The following SLC35F1 variants were observed in gnomAD, a reference collection of about 807,000 sequenced individuals.
SLC35F1 encodes chromosome 6 open reading frame 169.
In SLC35F1, 14 loss-of-function variants were observed where a neutral mutation model predicts 48.7. The observed-to-expected ratio is 0.29, with a 90% CI of 0.19 to 0.45. SLC35F1 has a LOEUF of 0.45. SLC35F1 is among the 20% of genes least tolerant of loss of function. SLC35F1 has a pLI of 1.00. For missense variants in SLC35F1, 404 were observed against 500.0 expected (o/e 0.81, Z 1.83); for synonymous variants, 190 against 202.2 (o/e 0.94, Z 0.51).
At chr6:117,929,930 A>C (rs1776078571) in intron 1 of SLC35F1, among the ~76,000 whole-genome samples, 1 of 152,196 alleles carries the variant, frequency 6.6e-6, no homozygotes, top group Non-Finnish European at 1.5e-5. Flanking sequence ...TGTATCAGCC[A>C]CTTTGCTAAG....
chr6:118,182,678 G>A (rs1208764460), intron 2 of SLC35F1, among the ~76,000 whole-genome samples: 1 of 151,916 alleles, frequency 6.6e-6, no homozygotes, highest in Non-Finnish European at 1.5e-5. Flanking sequence ...AGACCAGCCT[G>A]GCCAACATGA....
chr6:118,127,639 C>T (rs533771373), intron 1 of SLC35F1, among the ~76,000 whole-genome samples: 114 of 151,974 alleles, frequency 7.5e-4, no homozygotes, highest in African/African-American at 2.6e-3. Context: ...CCCTTCCTTA[C>T]ACCTTATACA....
At position 118,043,787 on chromosome 6, in the gene SLC35F1, G is replaced by T. The variant is rs570472064; in HGVS notation, c.174-110658G>T. Among the ~76,000 whole-genome samples, 15 of 152,272 alleles carry T rather than the reference G, an allele frequency of 9.9e-5. No homozygotes were observed. The South Asian group carries it at 2.3e-3, about 23-fold the overall frequency. On this transcript the variant is annotated intron_variant, in intron 1 of 7. Coordinates refer to ENST00000360388, the MANE Select transcript of SLC35F1 (RefSeq NM_001029858.4). ...TACCTTTTTGACCTTTGTCAATTTT[G>T]CCAGACAGGCAGTGTGAAGAAATGT...
At chr6:118,146,916 G>T (rs915157280) in intron 1 of SLC35F1, among the ~76,000 whole-genome samples, 2 of 152,166 alleles carry the variant, frequency 1.3e-5, no homozygotes, top group Non-Finnish European at 2.9e-5. Context: ...GAGTTGATGT[G>T]CACAGATCAG....
At chr6:117,921,746 C>T (rs551569023) in intron 1 of SLC35F1, among the ~76,000 whole-genome samples, 1 of 152,290 alleles carries the variant, frequency 6.6e-6, no homozygotes, top group South Asian at 2.1e-4. Context: ...CTTCCCTGGC[C>T]CCAAAGTTAA....
At chr6:118,099,558 G>C (rs1024286573) in intron 1 of SLC35F1, among the ~76,000 whole-genome samples, 6 of 150,142 alleles carry the variant, frequency 4.0e-5, no homozygotes, top group African/African-American at 1.5e-4. Context: ...TATACTCAGT[G>C]GTTACCACTG....
At chr6:118,052,408 G>A (rs1363551772) in intron 1 of SLC35F1, among the ~76,000 whole-genome samples, 2 of 152,156 alleles carry the variant, frequency 1.3e-5, no homozygotes, top group South Asian at 2.1e-4. Context: ...CTCATTTTCT[G>A]ATGTATAAAT....
chr6:118,116,547 A>C (rs1379754842), intron 1 of SLC35F1, among the ~76,000 whole-genome samples: 2 of 152,178 alleles, frequency 1.3e-5, no homozygotes, highest in East Asian at 3.9e-4. Context: ...CCTACACAAT[A>C]TCCTCTCGTT....
intron 1 of SLC35F1, among the ~76,000 whole-genome samples, chr6:117,969,726 AT>A (rs1429115973): frequency 6.7e-6 from 1 of 148,288 alleles, no homozygotes; most frequent in African/African-American, 2.5e-5. Flanking sequence ...TAAAAAAAAA[AT>A]CATCTGCAAT....
chr6:118,141,219 A>G (rs1289232432), intron 1 of SLC35F1, among the ~76,000 whole-genome samples: 1 of 152,118 alleles, frequency 6.6e-6, no homozygotes, highest in Non-Finnish European at 1.5e-5. Flanking sequence ...TGTTTTTTAT[A>G]CCATATTTTC....
At chr6:118,204,545 C>T (rs1220566591) in intron 2 of SLC35F1, among the ~76,000 whole-genome samples, 6 of 152,274 alleles carry the variant, frequency 3.9e-5, no homozygotes, top group African/African-American at 1.4e-4. Flanking sequence ...ACGTACAGCT[C>T]TCAGGCTATT....
chr6:117,917,769 TG>T (rs1288990990), intron 1 of SLC35F1, among the ~76,000 whole-genome samples: 12 of 151,978 alleles, frequency 7.9e-5, no homozygotes, highest in African/African-American at 2.9e-4. Context: ...TGTGGAATTC[TG>T]GGGAGAAGTC....
At chr6:118,119,492 G>GCCCC (rs564384163) in intron 1 of SLC35F1, among the ~76,000 whole-genome samples, 5 of 20,666 alleles carry the variant, frequency 2.4e-4, no homozygotes, top group Non-Finnish European at 7.6e-4. Flanking sequence ...GTAATAACCG[G>GCCCC]CGCCCCCCCT....
chr6:118,164,442 G>A (rs1394770427), intron 2 of SLC35F1, among the ~76,000 whole-genome samples: 1 of 152,006 alleles, frequency 6.6e-6, no homozygotes, highest in African/African-American at 2.4e-5. Context: ...TAGGATCTGG[G>A]CTTTTCTTAT....
intron 1 of SLC35F1, among the ~76,000 whole-genome samples, chr6:117,960,566 C>T (rs1186607912): frequency 2.0e-5 from 3 of 152,020 alleles, no homozygotes; most frequent in Admixed American, 2.0e-4. Flanking sequence ...GCAACTAAAG[C>T]TGGGTAGATT....
intron 2 of SLC35F1, among the ~76,000 whole-genome samples, chr6:118,194,517 T>C (rs947845404): frequency 2.0e-5 from 3 of 152,152 alleles, no homozygotes; most frequent in African/African-American, 7.2e-5. Context: ...ACAGACCAGC[T>C]TTCTGGGCCA....
intron 2 of SLC35F1, among the ~76,000 whole-genome samples, chr6:118,165,036 C>T (rs1199496349): frequency 6.6e-6 from 1 of 152,076 alleles, no homozygotes; most frequent in African/African-American, 2.4e-5. Flanking sequence ...CAATAGGAAC[C>T]CCAAATCTTT....
intron 2 of SLC35F1, among the ~76,000 whole-genome samples, chr6:118,225,639 A>G (rs1225268464): frequency 6.6e-6 from 1 of 152,190 alleles, no homozygotes; most frequent in Non-Finnish European, 1.5e-5. Flanking sequence ...AACATGAACA[A>G]ATGGGGTCAT....
intron 1 of SLC35F1, among the ~76,000 whole-genome samples, chr6:118,063,342 C>A (rs896426934): frequency 3.3e-5 from 5 of 152,204 alleles, no homozygotes; most frequent in East Asian, 3.9e-4. Context: ...ACTGTCCTCA[C>A]CTAGTCTGAT....
Sources: allele counts gnomAD v4.1 joint callset (sites outside exome capture counted in the v4.1 genomes callset), GRCh38; gene constraint gnomAD v4.1.1; transcripts MANE v1.5; gene names NCBI Gene and HGNC (gene_info 2026-07-23, HGNC 2026-07-21).